Variants in TMEM178B observed in about 807,000 individuals in gnomAD.
TMEM178B encodes transmembrane protein 178B.
In TMEM178B, 5 loss-of-function variants were observed where a neutral mutation model predicts 31.0. That is an observed-to-expected ratio of 0.16 (90% CI 0.08 to 0.34). The LOEUF (loss-of-function observed/expected upper bound fraction) is 0.34. Among genes scored for constraint, TMEM178B ranks in the 10% least tolerant of loss-of-function variants. The pLI is 1.00. For synonymous variants in TMEM178B, 164 were observed against 164.0 expected (o/e 1.00, Z 0.00); for missense variants, 275 against 400.3 (o/e 0.69, Z 2.67).
chr7:141,079,069 T>G (rs1794643086), intron 1 of TMEM178B, among the ~76,000 whole-genome samples: 1 of 152,162 alleles, frequency 6.6e-6, no homozygotes, highest in African/African-American at 2.4e-5. Flanking sequence ...GGTGAATCAC[T>G]TGAGTTCAGG....
chr7:141,086,175 A>G (rs1056416913), intron 1 of TMEM178B, among the ~76,000 whole-genome samples: 2 of 151,308 alleles, frequency 1.3e-5, no homozygotes, highest in Admixed American at 1.3e-4. Flanking sequence ...AGCTGGGACT[A>G]CAGGCGCCTG....
intron 1 of TMEM178B, among the ~76,000 whole-genome samples, chr7:141,097,793 C>CTTT (rs552569756): frequency 0.046 from 5,775 of 125,818 alleles, 225 homozygotes; most frequent in Non-Finnish European, 0.065. Context: ...TTCTTTCTTT[C>CTTT]TTTTTTTTTT....
At chr7:141,469,969 C>T (rs550623343) in intron 3 of TMEM178B, among the ~76,000 whole-genome samples, 17 of 152,206 alleles carry the variant, frequency 1.1e-4, no homozygotes, top group Admixed American at 2.6e-4. Context: ...GATCTCATAG[C>T]GTTAGCACTC....
In TMEM178B at chr7:141,339,284, GAGGGGT is replaced by G. The variant is rs200099440; in HGVS notation, c.497-98319_497-98314del. Among the ~76,000 whole-genome samples the G allele has an allele frequency of 4.7e-3, 722 of 152,304 alleles. 15 individuals are homozygous for G. The highest frequency in any genetic ancestry group is 0.038 in the Admixed American group (577 of 15,300). On this transcript the variant is annotated intron_variant, in intron 2 of 3. Coordinates refer to ENST00000565468, the MANE Select transcript of TMEM178B (RefSeq NM_001195278.2). ...CACACTGGACAGCTCACATAGCCAG[GAGGGGT>G]AGGGCAGCCACCTCTCGTCCGCCTC...
At chr7:141,485,355 T>A (rs781329263), downstream of TMEM178B, among the ~76,000 whole-genome samples, 1 of 152,238 alleles carries the variant, frequency 6.6e-6, no homozygotes, top group Admixed American at 6.5e-5. Flanking sequence ...GAGCTCAAAC[T>A]TGGCACCATC....
At chr7:141,103,901 T>C (rs1453508192) in intron 1 of TMEM178B, among the ~76,000 whole-genome samples, 3 of 152,238 alleles carry the variant, frequency 2.0e-5, no homozygotes, top group East Asian at 3.8e-4. Context: ...ACAGGGTTGA[T>C]TGGATTCAGG....
chr7:141,227,587 T>C (rs1797366890), intron 2 of TMEM178B, among the ~76,000 whole-genome samples: 1 of 152,172 alleles, frequency 6.6e-6, no homozygotes, highest in South Asian at 2.1e-4. Flanking sequence ...TTATGATGAC[T>C]TTAGGAGGTC....
chr7:141,489,364 T>C, the TMEM178B span, among the ~76,000 whole-genome samples: 13 of 152,194 alleles, frequency 8.5e-5, no homozygotes, highest in Admixed American at 7.9e-4. Flanking sequence ...TGTCCCTTAA[T>C]AATTAGCACA....
rs1798865878 is a variant in TMEM178B at position 141,309,125 on chromosome 7, A to G, written c.496+96421A>G. On this transcript the variant is annotated intron_variant, in intron 2 of 3. Transcript: ENST00000565468. ...ATTGCAACAATAATACATTTACATTATAAAATAACTTGGAAAAGTATAGAA... is the reference window on the plus strand; with the variant it reads ...ATTGCAACAATAATACATTTACATTGTAAAATAACTTGGAAAAGTATAGAA... 2.0e-5 allele frequency among the ~76,000 whole-genome samples: 3 copies of G among 152,278 alleles called. No individual in the cohort carries two copies. In the South Asian group the frequency reaches 6.2e-4, roughly 32 times the overall value.
chr7:141,402,411 T>TC (rs1033260891), intron 2 of TMEM178B, among the ~76,000 whole-genome samples: 8 of 152,080 alleles, frequency 5.3e-5, no homozygotes, highest in African/African-American at 1.9e-4. Flanking sequence ...CCTCCTTCCC[T>TC]CCCCCTGCTG....
chr7:141,300,915 A>G (rs1798712724), intron 2 of TMEM178B, among the ~76,000 whole-genome samples: 1 of 151,612 alleles, frequency 6.6e-6, no homozygotes, highest in Admixed American at 6.6e-5. Context: ...TTTGTATTGC[A>G]TTTCTGTGTT....
chr7:141,284,926 C>T (rs1798420179), intron 2 of TMEM178B, among the ~76,000 whole-genome samples: 1 of 151,912 alleles, frequency 6.6e-6, no homozygotes, highest in African/African-American at 2.4e-5. Flanking sequence ...GTTCAGAGAC[C>T]AGAGTCTAAG....
At chr7:141,076,163 T>G (rs1794597630) in intron 1 of TMEM178B, among the ~76,000 whole-genome samples, 1 of 152,222 alleles carries the variant, frequency 6.6e-6, no homozygotes. Flanking sequence ...TTTGTAAAGA[T>G]GTACAGAATA....
chr7:141,340,138 A>G (rs890611408), intron 2 of TMEM178B, among the ~76,000 whole-genome samples: 1 of 152,192 alleles, frequency 6.6e-6, no homozygotes, highest in Admixed American at 6.5e-5. Context: ...GGCTTTGAAT[A>G]TGGAGGAAGG....
At chr7:141,464,707 A>G (rs1802120366) in intron 3 of TMEM178B, among the ~76,000 whole-genome samples, 2 of 152,166 alleles carry the variant, frequency 1.3e-5, no homozygotes, top group African/African-American at 4.8e-5. Flanking sequence ...GCTGTTCTGC[A>G]TACTAGGGCG....
rs980185907 is a variant in TMEM178B at position 141,461,499 on chromosome 7, A to G, written c.635-9037A>G. Among the ~76,000 whole-genome samples the G allele has an allele frequency of 6.6e-6, 1 of 152,232 alleles. No homozygotes were observed. The highest frequency in any genetic ancestry group is 2.4e-5 in the African/African-American group (1 of 41,464). ...ATTTGGGCAAATGCCTGTGCACACA[A>G]TGTGTAACTGCCCTGAATCTCTGTG... On this transcript the variant is annotated intron_variant, in intron 3 of 3. Transcript: ENST00000565468. This position sits in a 1 kb window ranked among gnomAD's most constrained non-coding sequence, Gnocchi z 4.0.
At chr7:141,484,571 T>C (rs1211376181), downstream of TMEM178B, among the ~76,000 whole-genome samples, 1 of 152,162 alleles carries the variant, frequency 6.6e-6, no homozygotes, top group African/African-American at 2.4e-5. The surrounding 1 kb of genome is among the most constrained non-coding windows in gnomAD (Gnocchi z 4.8). Flanking sequence ...TGTTTGTTTG[T>C]TTGTTTTTGA....
intron 1 of TMEM178B, among the ~76,000 whole-genome samples, chr7:141,110,182 T>C (rs1795212071): frequency 6.6e-6 from 1 of 152,238 alleles, no homozygotes; most frequent in Non-Finnish European, 1.5e-5. Context: ...GTTGTTTCTT[T>C]ATTCATTCAA....
intron 2 of TMEM178B, among the ~76,000 whole-genome samples, chr7:141,229,463 C>T (rs1340722482): frequency 1.3e-5 from 2 of 152,120 alleles, no homozygotes; most frequent in Non-Finnish European, 2.9e-5. Context: ...TCCTTTTCTT[C>T]CTCATTACAT....
Sources: allele counts gnomAD v4.1 joint callset (sites outside exome capture counted in the v4.1 genomes callset), GRCh38; gene constraint gnomAD v4.1.1; non-coding constraint Gnocchi (gnomAD v3.1); transcripts MANE v1.5; gene names NCBI Gene and HGNC (gene_info 2026-07-23, HGNC 2026-07-21).